Variants in IQCM observed in about 807,000 individuals in gnomAD.
The protein encoded by IQCM is IQ domain-containing protein M.
A neutral mutation model predicts 57.6 loss-of-function variants in IQCM; 45 were observed. The observed-to-expected ratio is 0.78, with a 90% CI of 0.62 to 1.00. The LOEUF is 1.00. IQCM is among the 50% of genes least tolerant of loss of function. IQCM has a pLI of 0.00. For synonymous variants in IQCM, 148 were observed against 158.9 expected (o/e 0.93, Z 0.51); for missense variants, 468 against 511.6 (o/e 0.91, Z 0.82).
intron 13 of IQCM, among the ~76,000 whole-genome samples, chr4:149,412,551 T>C (rs1259961410): frequency 2.0e-5 from 3 of 152,142 alleles, no homozygotes; most frequent in Non-Finnish European, 4.4e-5. Flanking sequence ...CATTCAAAAC[T>C]ATTTACTGAG....
chr4:149,371,959 T>A (rs1047958775), intron 13 of IQCM, among the ~76,000 whole-genome samples: 1 of 152,034 alleles, frequency 6.6e-6, no homozygotes, highest in African/African-American at 2.4e-5. Flanking sequence ...TCTCAAGCTT[T>A]AAAAAAAATT....
chr4:149,528,750 T>C (rs1560954089), intron 12 of IQCM, among the ~76,000 whole-genome samples: 1 of 152,150 alleles, frequency 6.6e-6, no homozygotes, highest in Non-Finnish European at 1.5e-5. Flanking sequence ...TGTCTCAGGC[T>C]AGTTTAAATG....
intron 2 of IQCM, among the ~76,000 whole-genome samples, chr4:149,785,865 C>A (rs902400018): frequency 6.6e-6 from 1 of 151,596 alleles, no homozygotes; most frequent in South Asian, 2.1e-4. Flanking sequence ...AAAAACAGGC[C>A]ATGAGCTGAA....
At chr4:149,626,392 CAT>C (rs371051488) in intron 7 of IQCM, among the ~76,000 whole-genome samples, 7 of 120,558 alleles carry the variant, frequency 5.8e-5, no homozygotes, top group Admixed American at 1.8e-4. Context: ...ACTTAATAAA[CAT>C]ATATATATAT....
intron 12 of IQCM, among the ~76,000 whole-genome samples, chr4:149,542,489 A>G (rs894617044): frequency 6.6e-6 from 1 of 152,058 alleles, no homozygotes; most frequent in Non-Finnish European, 1.5e-5. Flanking sequence ...AGAGAGCAAA[A>G]TTAAAGTTCC....
intron 2 of IQCM, among the ~76,000 whole-genome samples, 197 bp from the exon 3 acceptor site, chr4:149,742,936 G>T (rs764903818): frequency 1.3e-5 from 2 of 152,012 alleles, no homozygotes; most frequent in Admixed American, 1.3e-4. Context: ...GCAGTTTATC[G>T]AGTACTCATA....
chr4:149,537,298 T>C (rs1159203235), intron 12 of IQCM, among the ~76,000 whole-genome samples: 3 of 151,836 alleles, frequency 2.0e-5, no homozygotes, highest in East Asian at 1.9e-4. Context: ...AAACGTATTC[T>C]AGAGTTGAAA....
intron 12 of IQCM, among the ~76,000 whole-genome samples, chr4:149,465,600 G>A (rs1290743799): frequency 6.6e-6 from 1 of 152,122 alleles, no homozygotes; most frequent in East Asian, 1.9e-4. Flanking sequence ...AGGTGCCTTT[G>A]AGAGAAAGCC....
intron 6 of IQCM, among the ~76,000 whole-genome samples, chr4:149,683,546 G>C (rs1044005402): frequency 6.6e-6 from 1 of 151,304 alleles, no homozygotes; most frequent in Admixed American, 6.6e-5. Flanking sequence ...CCCTTAAGTT[G>C]TATCAAGAGA....
At chr4:149,626,371 G>A (rs1213190025) in intron 7 of IQCM, among the ~76,000 whole-genome samples, 1 of 90,074 alleles carries the variant, frequency 1.1e-5, no homozygotes, top group African/African-American at 3.8e-5. Flanking sequence ...TCTTGTGATT[G>A]TGTTAGTTAT....
In IQCM at chr4:149,467,662, C is replaced by A. The variant is rs905064304; in HGVS notation, c.1229-34105G>T. Among the ~76,000 whole-genome samples the A allele has an allele frequency of 2.6e-5, 4 of 152,178 alleles. No individual in the cohort carries two copies. The East Asian group carries it at 7.7e-4, about 29-fold the overall frequency. ...CTAGAAATTTCAAGGTCTTGCTATA[C>A]CAGTAGGCTGGATGGAACAAGTGAA... On this transcript the variant is annotated intron_variant, in intron 12 of 13. Coordinates refer to ENST00000636793, the MANE Select transcript of IQCM (RefSeq NM_001363507.2).
chr4:149,776,710 A>C (rs1771121468), intron 2 of IQCM, among the ~76,000 whole-genome samples: 1 of 152,178 alleles, frequency 6.6e-6, no homozygotes, highest in Non-Finnish European at 1.5e-5. Flanking sequence ...CAATTTTAAA[A>C]TGTAAAGAGG....
chr4:149,624,613 A>G (rs905175259), intron 7 of IQCM, among the ~76,000 whole-genome samples: 1 of 152,208 alleles, frequency 6.6e-6, no homozygotes, highest in Admixed American at 6.5e-5. Context: ...GGAAGGAAAG[A>G]AAAGTTCTTA....
chr4:149,507,655 T>C (rs1227786649), intron 12 of IQCM, among the ~76,000 whole-genome samples: 1 of 152,078 alleles, frequency 6.6e-6, no homozygotes, highest in Non-Finnish European at 1.5e-5. Flanking sequence ...CTGTTAAAGA[T>C]ATTCAGTTTT....
intron 5 of IQCM, among the ~76,000 whole-genome samples, chr4:149,717,779 G>C (rs1765123487): frequency 6.6e-6 from 1 of 152,166 alleles, no homozygotes. Context: ...GTATTTCATG[G>C]CATAGACTTT....
chr4:149,812,216 A>G (rs1299441705), intron 2 of IQCM, among the ~76,000 whole-genome samples: 2 of 152,174 alleles, frequency 1.3e-5, no homozygotes, highest in Non-Finnish European at 2.9e-5. Context: ...ATTTGGAGCC[A>G]TATTCCTAAG....
intron 5 of IQCM, among the ~76,000 whole-genome samples, chr4:149,723,380 T>C (rs1243855545): frequency 5.9e-5 from 9 of 152,140 alleles, no homozygotes; most frequent in African/African-American, 1.9e-4. Flanking sequence ...TTAGGAGAAA[T>C]GTTTTCAACC....
At chr4:149,555,088 T>A (rs1340061013) in intron 10 of IQCM, among the ~76,000 whole-genome samples, 1 of 152,210 alleles carries the variant, frequency 6.6e-6, no homozygotes, top group Non-Finnish European at 1.5e-5. Flanking sequence ...AAAAATTAAT[T>A]AGCATAATTT....
chr4:149,529,812 C>T (rs1403646054), intron 12 of IQCM, among the ~76,000 whole-genome samples: 1 of 152,114 alleles, frequency 6.6e-6, no homozygotes, highest in Admixed American at 6.5e-5. Flanking sequence ...CCCCACAGCC[C>T]ATTCACATGA....
Sources: gnomAD v4.1 joint callset for allele counts (sites outside exome capture counted in the v4.1 genomes callset) on GRCh38, gnomAD v4.1.1 for gene constraint, MANE v1.5 for transcripts, NCBI Gene and HGNC (gene_info 2026-07-23, HGNC 2026-07-21) for gene names.